The following SGO2 variants were observed in gnomAD, a reference collection of about 807,000 sequenced individuals.
SGO2 encodes the protein shugoshin-like 2.
Under a neutral mutation model 99.5 loss-of-function variants are expected in SGO2, and 68 were observed. The observed-to-expected ratio is 0.68, with a 90% CI of 0.56 to 0.84. The LOEUF (loss-of-function observed/expected upper bound fraction) is 0.84. Among genes scored for constraint, SGO2 ranks in the 40% least tolerant of loss-of-function variants. SGO2 has a pLI of 0.00. For synonymous variants in SGO2, 457 were observed against 487.1 expected (o/e 0.94, Z 0.81); for missense variants, 1,350 against 1,436.7 (o/e 0.94, Z 0.97).
At chr2:200,534,356 A>G (rs542938105) in intron 2 of SGO2, among the ~76,000 whole-genome samples, 1 of 152,306 alleles carries the variant, frequency 6.6e-6, no homozygotes, top group South Asian at 2.1e-4. Flanking sequence ...TCATATTTAC[A>G]TAGTGCTTTT....
intron 5 of SGO2, among the ~76,000 whole-genome samples, chr2:200,556,581 A>G (rs1290690906): frequency 6.6e-6 from 1 of 152,208 alleles, no homozygotes; most frequent in Non-Finnish European, 1.5e-5. Context: ...AAGAGAATCA[A>G]CAAATGATAA....
chr2:200,535,221 A>G, intron 3 of SGO2, 50 bp downstream of exon 3: 1 of 1,374,258 alleles, frequency 7.3e-7, no homozygotes, highest in East Asian at 2.7e-5. Flanking sequence ...TAAATCTTTT[A>G]GCTGCATTAT....
intron 5 of SGO2, among the ~76,000 whole-genome samples, chr2:200,554,151 G>T (rs979771801): frequency 6.6e-6 from 1 of 152,138 alleles, no homozygotes; most frequent in Admixed American, 6.5e-5. Flanking sequence ...GAGAAATCAG[G>T]TAGAGAGAAA....
chr2:200,536,330 G>A (rs1334659805), intron 4 of SGO2, among the ~76,000 whole-genome samples, 188 bp downstream of exon 4: 1 of 152,044 alleles, frequency 6.6e-6, no homozygotes, highest in African/African-American at 2.4e-5. Flanking sequence ...AATGTCATAT[G>A]AAAATTAGGT....
intron 5 of SGO2, among the ~76,000 whole-genome samples, chr2:200,551,814 T>A (rs1380150722): frequency 1.3e-5 from 2 of 152,096 alleles, no homozygotes; most frequent in Non-Finnish European, 2.9e-5. Context: ...TATGAATGGG[T>A]CTGTTTCTAA....
At chr2:200,542,896 CT>C (rs888953930) in intron 5 of SGO2, 6 of 296,866 alleles carry the variant, frequency 2.0e-5, no homozygotes, top group South Asian at 1.5e-4. Flanking sequence ...CTTTATAGTT[CT>C]TTTTTTTCTT....
chr2:200,552,212 A>G (rs1376896229), intron 5 of SGO2, among the ~76,000 whole-genome samples: 1 of 152,078 alleles, frequency 6.6e-6, no homozygotes, highest in Non-Finnish European at 1.5e-5. Flanking sequence ...CATTTCATAT[A>G]GATACTTTTT....
At chr2:200,568,066 A>G (rs2033259053) in intron 5 of SGO2, among the ~76,000 whole-genome samples, 2 of 152,170 alleles carry the variant, frequency 1.3e-5, no homozygotes, top group Admixed American at 6.5e-5. Flanking sequence ...ACCATTTTAC[A>G]TTCCCGCCAG....
chr2:200,529,403 C>T (rs1001410725), intron 1 of SGO2, among the ~76,000 whole-genome samples: 1 of 152,180 alleles, frequency 6.6e-6, no homozygotes, highest in African/African-American at 2.4e-5. Context: ...AATCCATGAC[C>T]TCCTAGAATT....
chr2:200,544,733 A>ATCTG (rs1204116983), intron 5 of SGO2, among the ~76,000 whole-genome samples: 4 of 148,638 alleles, frequency 2.7e-5, no homozygotes, highest in African/African-American at 1.0e-4. Context: ...CTATCTATCT[A>ATCTG]TCTTTGGCTT....
intron 8 of SGO2, 131 bp downstream of exon 8, chr2:200,575,592 A>G (rs1265172549): frequency 6.5e-6 from 4 of 618,570 alleles, no homozygotes; most frequent in Non-Finnish European, 1.1e-5. Flanking sequence ...CAACCACAGT[A>G]TGATTTGGGT....
chr2:200,571,314 A>G lies in SGO2; in HGVS notation c.968A>G (p.Gln323Arg), dbSNP rs779790896. The G allele has an allele frequency of 4.3e-6, 7 of 1,612,990 alleles. No homozygotes were observed. In the African/African-American group the frequency reaches 9.3e-5, roughly 22 times the overall value. The change falls in exon 7 of 9, where the codon CAA (glutamine) becomes CGA (arginine). Residue 323 changes from glutamine (Q) to arginine (R), a missense_variant. Physicochemically the swap from Gln to Arg is conservative, Grantham distance 43. Coordinates refer to ENST00000357799, the MANE Select transcript of SGO2 (RefSeq NM_152524.6). ...ACTAATGAAACAAATACTGAAATGC[A>G]AAGAAATAAACAGGATCTTCCTGGC... ...GHTNETNTEM[Q>R]RNKQDLPGLS... is the part of the protein sequence containing the mutation.
chr2:200,583,468 G>T lies in SGO2; in HGVS notation c.*4G>T. On this transcript the variant is annotated 3_prime_UTR_variant, in exon 9 of 9. Coordinates refer to ENST00000357799, the MANE Select transcript of SGO2 (RefSeq NM_152524.6). ...TTGCAGCAAGATGAGAAGATGAAGT[G>T]AATTTATGGATTCTGGTTTTTCTGA... 6.3e-7 allele frequency: 1 copy of T among 1,584,052 alleles called. No homozygotes were observed. The highest frequency in any genetic ancestry group is 2.3e-5 in the East Asian group (1 of 43,664).
chr2:200,535,911 A>G lies in SGO2; in HGVS notation c.310-154A>G, dbSNP rs189733689. 2.6e-5 allele frequency among the ~76,000 whole-genome samples: 4 copies of G among 152,214 alleles called. No homozygotes were observed. In the East Asian group the frequency reaches 7.7e-4, roughly 29 times the overall value. ...AATACTATTTGGTACTATATAATAT[A>G]CCATTTTAGCTGAATGTGATCTCAA... On this transcript the variant is annotated intron_variant, in intron 3 of 8. Coordinates refer to ENST00000357799, the MANE Select transcript of SGO2 (RefSeq NM_152524.6).
At chr2:200,529,717 C>T (rs142700867) in intron 1 of SGO2, among the ~76,000 whole-genome samples, 191 of 152,074 alleles carry the variant, frequency 1.3e-3, no homozygotes, top group Admixed American at 3.7e-3. Flanking sequence ...TTAGTAGAGA[C>T]GGGTTTCACC....
chr2:200,541,949 T>G (rs940904195), intron 4 of SGO2, among the ~76,000 whole-genome samples: 2 of 152,004 alleles, frequency 1.3e-5, no homozygotes, highest in African/African-American at 4.8e-5. Flanking sequence ...CCCTCCTAAC[T>G]TTTTTCTTTT....
rs780006146 is a variant in SGO2 at position 200,573,819 on chromosome 2, G to T, written c.3473G>T (p.Gly1158Val). 5.6e-6 allele frequency: 9 copies of T among 1,613,020 alleles called. No homozygotes were observed. Among genetic ancestry groups the T allele is most frequent in the African/African-American group, 1.3e-5 (1 of 74,884 alleles). Reference sequence around the variant, plus strand: ...TCTTCCTTTGACAGTGTTCGTGAAGGTTTAGTACCTTTGAGCGTTTCTTCT... The same window carrying T: ...TCTTCCTTTGACAGTGTTCGTGAAGTTTTAGTACCTTTGAGCGTTTCTTCT... ...QDSSFDSVRE[G>V]LVPLSVSSGK... Residue 1158 changes from glycine to valine, a missense_variant, in exon 7 of 9, where the codon GGT becomes GTT. Coordinates refer to ENST00000357799, the MANE Select transcript of SGO2 (RefSeq NM_152524.6).
chr2:200,530,157 A>G (rs139030295), intron 1 of SGO2, among the ~76,000 whole-genome samples: 11 of 152,260 alleles, frequency 7.2e-5, no homozygotes, highest in Non-Finnish European at 1.2e-4. Flanking sequence ...TTTAGATTGT[A>G]TAGATTAGTT....
At position 200,573,911 on chromosome 2, in the gene SGO2, G is replaced by A. The variant is rs772163608; in HGVS notation, c.3565G>A (p.Asp1189Asn). ...CTCCCCAGCCTTTCAAGTAAGTGAT[G>A]ATGAGCATGAGAAGATGAACAAGAT... is the stretch of plus-strand genomic sequence containing the variant. Reference protein sequence around the residue: ...ECSPAFQVSDDEHEKMNKMKF... With the variant: ...ECSPAFQVSDNEHEKMNKMKF... The change falls in exon 7 of 9, where the codon GAT (aspartate) becomes AAT (asparagine). Residue 1189 changes from aspartate to asparagine, a missense_variant. Transcript: ENST00000357799. 26 of 1,609,820 alleles carry A rather than the reference G, an allele frequency of 1.6e-5. No individual in the cohort carries two copies. The Admixed American group carries it at 4.2e-4, about 26-fold the overall frequency.
Sources: allele counts gnomAD v4.1 joint callset (sites outside exome capture counted in the v4.1 genomes callset), GRCh38; gene constraint gnomAD v4.1.1; transcripts MANE v1.5; gene names NCBI Gene and HGNC (gene_info 2026-07-23, HGNC 2026-07-21).